The following DMD variants were observed in gnomAD, a reference collection of about 807,000 sequenced individuals.
The protein encoded by DMD is dystrophin, also known as mutant dystrophin.
Under a neutral mutation model 330.1 loss-of-function variants are expected in DMD, and 63 were observed. The observed-to-expected ratio is 0.19, with a 90% CI of 0.16 to 0.24. The LOEUF (loss-of-function observed/expected upper bound fraction) is 0.24, where lower values mean the gene tolerates loss of function less well. Ranked by LOEUF, DMD falls within the 10% of genes least tolerant of loss-of-function variation. DMD has a pLI of 1.00. For synonymous variants in DMD, 1,223 were observed against 959.8 expected, an observed-to-expected ratio of 1.27 and a Z score of -5.07; for missense variants, 3,344 against 2,684.1, an observed-to-expected ratio of 1.25 and a Z score of -5.43.
chrX:31,514,167 G>C (rs1418995746), intron 55 of DMD, among the ~76,000 whole-genome samples: 1 of 111,963 alleles, frequency 8.9e-6, no homozygotes, highest in African/African-American at 3.2e-5. Context: ...GCAGTGGATA[G>C]AGATGCATCC....
intron 54 of DMD, among the ~76,000 whole-genome samples, chrX:31,645,015 GA>G (rs1882407828): frequency 1.8e-5 from 2 of 111,540 alleles, no homozygotes; most frequent in East Asian, 2.8e-4. Flanking sequence ...TTTTGTGTGG[GA>G]AAAAAATCCT....
At chrX:31,652,409 G>A (rs1029734358) in intron 54 of DMD, among the ~76,000 whole-genome samples, 5 of 111,461 alleles carry the variant, frequency 4.5e-5, no homozygotes, top group Non-Finnish European at 3.8e-5. Context: ...TAAGCTTTAT[G>A]AGGGTAGGGC....
At position 32,209,503 on chromosome X, in the gene DMD, C is replaced by T. The variant is rs180783622; in HGVS notation, c.6438+7413G>A. Among the ~76,000 whole-genome samples the T allele has an allele frequency of 1.1e-3, 122 of 111,436 alleles. 1 individual carries two copies. Among genetic ancestry groups the T allele is most frequent in the African/African-American group, 3.6e-3 (111 of 30,687 alleles). ...ACGAAGATCAATATGGCTGGAACAT[C>T]GTCCTTGCAAAATATTATTTCATGA... On this transcript the variant is annotated intron_variant, in intron 44 of 78. Transcript: ENST00000357033.
At chrX:32,182,698 C>G in intron 44 of DMD, among the ~76,000 whole-genome samples, 1 of 111,747 alleles carries the variant, frequency 8.9e-6, no homozygotes, top group Non-Finnish European at 1.9e-5. Context: ...ATGAATGAAG[C>G]AAATGAAAAC....
intron 44 of DMD, among the ~76,000 whole-genome samples, chrX:32,197,192 C>T (rs2097009720): frequency 9.2e-6 from 1 of 109,044 alleles, no homozygotes; most frequent in Admixed American, 9.9e-5. Flanking sequence ...TTTGTGGGTA[C>T]ATCGTAGGAG....
intron 55 of DMD, among the ~76,000 whole-genome samples, chrX:31,569,625 T>C (rs771304805): frequency 1.1e-3 from 105 of 98,497 alleles, no homozygotes; most frequent in African/African-American, 3.8e-3. Context: ...TATATATACG[T>C]ATATACGTAT....
chrX:32,934,879 C>T (rs2089872441), intron 2 of DMD, among the ~76,000 whole-genome samples: 1 of 112,407 alleles, frequency 8.9e-6, no homozygotes, highest in South Asian at 3.7e-4. Context: ...TTGGTTTTTT[C>T]GATTTATCAC....
chrX:31,648,617 C>CAAAAAAAAAAAAAAAAAAAAAAAAAAAA (rs548846514), intron 54 of DMD, among the ~76,000 whole-genome samples: 1 of 18,993 alleles, frequency 5.3e-5, no homozygotes, highest in Middle Eastern at 0.048. Flanking sequence ...AAGGGAGCTG[C>CAAAAAAAAAAAAAAAAAAAAAAAAAAAA]AAAAAAAAAA....
At chrX:32,984,679 T>C (rs1024078496) in intron 2 of DMD, among the ~76,000 whole-genome samples, 5 of 112,199 alleles carry the variant, frequency 4.5e-5, no homozygotes, top group South Asian at 3.7e-4. Context: ...AGTAAGCACT[T>C]CCATAAATAT....
chrX:31,444,487 A>T lies in DMD; in HGVS notation c.9078T>A (p.Leu3026=). The T allele has an allele frequency of 8.3e-7, 1 of 1,211,659 alleles. No individual in the cohort carries two copies. Residue 3026 remains leucine (L), a synonymous_variant, in exon 60 of 79, where the codon CTT becomes CTA. Transcript: ENST00000357033. ...ATGTTTACAATGTGCTTACCTGCAG[A>T]AGCTTCCATCTGGTGTTCAGGTCTT... ...TLEDLNTRWK[L]LQVAVEDRVR...
At chrX:33,301,380 A>G (rs776386796) in intron 1 of DMD, among the ~76,000 whole-genome samples, 3 of 101,121 alleles carry the variant, frequency 3.0e-5, no homozygotes, top group East Asian at 3.2e-4. Context: ...ACTTCATGGT[A>G]TATTTTTTTT....
intron 7 of DMD, among the ~76,000 whole-genome samples, chrX:32,774,329 ACAGT>A (rs2073932766): frequency 8.9e-6 from 1 of 112,170 alleles, no homozygotes; most frequent in East Asian, 2.8e-4. Context: ...GTTTAAGTCC[ACAGT>A]CAATTACACT....
At chrX:33,088,900 G>A (rs73452083) in intron 1 of DMD, among the ~76,000 whole-genome samples, 2,049 of 110,570 alleles carry the variant, frequency 0.019, 40 homozygotes, top group African/African-American at 0.064. Context: ...GAGTGTAACA[G>A]TGTTATGGAA....
chrX:32,283,552 T>C (rs749028289), intron 43 of DMD, among the ~76,000 whole-genome samples: 4 of 111,462 alleles, frequency 3.6e-5, no homozygotes, highest in East Asian at 2.8e-4. Context: ...TGGGACTTAG[T>C]AGGACACGAG....
intron 1 of DMD, among the ~76,000 whole-genome samples, chrX:33,325,497 G>A (rs1308902209): frequency 1.8e-5 from 2 of 112,108 alleles, no homozygotes; most frequent in Non-Finnish European, 3.8e-5. Context: ...GAATTCCTAC[G>A]CTCTTTGCAG....
intron 48 of DMD, among the ~76,000 whole-genome samples, chrX:31,872,090 C>T (rs2093900436): frequency 9.4e-6 from 1 of 106,189 alleles, no homozygotes; most frequent in Admixed American, 1.0e-4. Flanking sequence ...GTTTCCCCTC[C>T]CCCCACCTTG....
At chrX:33,139,868 T>TAAAAAAAAAAAAAAAAAAAAAAA (rs3990971) in intron 1 of DMD, among the ~76,000 whole-genome samples, 4 of 64,354 alleles carry the variant, frequency 6.2e-5, no homozygotes, top group African/African-American at 3.2e-4. Flanking sequence ...GCCCCATCGC[T>TAAAAAAAAAAAAAAAAAAAAAAA]AAAAAAAAAA....
intron 61 of DMD, among the ~76,000 whole-genome samples, chrX:31,339,644 C>A (rs1038124658): frequency 8.9e-6 from 1 of 111,910 alleles, no homozygotes; most frequent in East Asian, 2.8e-4. Flanking sequence ...GGCGCAATCT[C>A]GGCTCACTGC....
At chrX:32,151,713 G>A (rs1228339089) in intron 44 of DMD, among the ~76,000 whole-genome samples, 1 of 100,686 alleles carries the variant, frequency 9.9e-6, no homozygotes, top group Non-Finnish European at 2.1e-5. Flanking sequence ...ACATGCCAGC[G>A]AAACATGGTT....
Sources: allele counts gnomAD v4.1 joint callset (sites outside exome capture counted in the v4.1 genomes callset), GRCh38; gene constraint gnomAD v4.1.1; transcripts MANE v1.5; gene names NCBI Gene and HGNC (gene_info 2026-07-23, HGNC 2026-07-21).